Variants in TRAF6 observed in about 807,000 individuals in gnomAD.
The protein encoded by TRAF6 is TNF receptor associated factor 6, also known as TNF receptor-associated factor 6.
A neutral mutation model predicts 48.4 loss-of-function variants in TRAF6; 10 were observed. That is an observed-to-expected ratio of 0.21 (90% CI 0.13 to 0.35). TRAF6 has a LOEUF of 0.35. Ranked by LOEUF, TRAF6 falls within the 10% of genes least tolerant of loss-of-function variation. The pLI is 1.00. For missense variants in TRAF6, 397 were observed against 661.0 expected (o/e 0.60, Z 4.38); for synonymous variants, 186 against 219.6 (o/e 0.85, Z 1.35).
chr11:36,500,902 A>G (rs1681753005), intron 2 of TRAF6, among the ~76,000 whole-genome samples: 1 of 152,114 alleles, frequency 6.6e-6, no homozygotes, highest in Non-Finnish European at 1.5e-5. Context: ...TCATAATTTA[A>G]GGTACATTTA....
chr11:36,497,884 A>ATT (rs796280710), intron 3 of TRAF6, among the ~76,000 whole-genome samples: 4 of 137,948 alleles, frequency 2.9e-5, no homozygotes, highest in African/African-American at 5.3e-5. Context: ...TGACACTTGT[A>ATT]TTTTTTTTTT....
intron 1 of TRAF6, among the ~76,000 whole-genome samples, chr11:36,504,136 A>T (rs1859755382): frequency 6.6e-6 from 1 of 152,164 alleles, no homozygotes. Flanking sequence ...CTGTTGACTG[A>T]TCAGGTTGGT....
chr11:36,490,281 G>T lies in TRAF6; in HGVS notation c.1126C>A (p.His376Asn). Residue 376 changes from histidine to asparagine, a missense_variant, in exon 7 of 7, where the codon CAT becomes AAT. By Grantham distance (68) the His-to-Asn change is moderately conservative (BLOSUM62 1). Coordinates refer to ENST00000526995, the MANE Select transcript of TRAF6 (RefSeq NM_004620.4). The surrounding 1 kb of genome is among the most constrained non-coding windows in gnomAD (Gnocchi z 6.4). ...CQEEEKPVVI[H>N]SPGFYTGKPG... ...TTGCCAGTGTAGAATCCAGGGCTAT[G>T]AATCACAACAGGTTTCTCCTCTTCT... The T allele has an allele frequency of 6.2e-7, 1 of 1,614,150 alleles. No homozygotes were observed. The highest frequency in any genetic ancestry group is 1.1e-5 in the South Asian group (1 of 91,078).
intron 2 of TRAF6, among the ~76,000 whole-genome samples, chr11:36,500,095 C>T (rs1304111317): frequency 6.6e-6 from 1 of 152,134 alleles, no homozygotes; most frequent in African/African-American, 2.4e-5. Context: ...AGAAATAAAA[C>T]AGATCTAATA....
chr11:36,500,508 G>C (rs1262312486), intron 2 of TRAF6, among the ~76,000 whole-genome samples: 1 of 152,172 alleles, frequency 6.6e-6, no homozygotes, highest in East Asian at 1.9e-4. Flanking sequence ...GTCTTATAAG[G>C]ATTTTAGCTT....
rs1053420593 is a variant in TRAF6, at chr11:36,490,815, T to G, written c.757-165A>C. 2.0e-5 allele frequency among the ~76,000 whole-genome samples: 3 copies of G among 152,216 alleles called. No individual in the cohort carries two copies. Among genetic ancestry groups the G allele is most frequent in the African/African-American group, 7.2e-5 (3 of 41,462 alleles). On this transcript the variant is annotated intron_variant, in intron 6 of 6. Transcript: ENST00000526995. This position sits in a 1 kb window ranked among gnomAD's most constrained non-coding sequence, Gnocchi z 6.4. The stretch of plus-strand genomic sequence containing the variant: ...GATTCTTGATCCAATGAGGCGACTC[T>G]GCCTCTTAGTTCACTGAAAAACAGA...
chr11:36,493,331 T>C (rs1859588328), intron 5 of TRAF6, among the ~76,000 whole-genome samples: 1 of 152,216 alleles, frequency 6.6e-6, no homozygotes. Flanking sequence ...AGGAAGTACC[T>C]GAGAGACCAT....
At position 36,501,406 on chromosome 11, in the gene TRAF6, C is replaced by A; in HGVS notation, c.110G>T (p.Gly37Val). Reference sequence around the variant, plus strand: ...GAGGTTCCCCGTGCTGGCAGTTCCACCCACACTATCATCTTTTGTTACAGC... The same window carrying A: ...GAGGTTCCCCGTGCTGGCAGTTCCAACCACACTATCATCTTTTGTTACAGC... ...CSAVTKDDSV[G>V]GTASTGNLSS... Residue 37 changes from glycine (G) to valine (V), a missense_variant, in exon 2 of 7, where the codon GGT becomes GTT. Coordinates refer to ENST00000526995, the MANE Select transcript of TRAF6 (RefSeq NM_004620.4). 1 of 1,614,162 alleles carries A rather than the reference C, an allele frequency of 6.2e-7. No homozygotes were observed. Among genetic ancestry groups the A allele is most frequent in the African/African-American group, 1.3e-5 (1 of 75,030 alleles).
intron 1 of TRAF6, among the ~76,000 whole-genome samples, chr11:36,507,164 TATAC>T (rs1250499368): frequency 1.6e-5 from 2 of 128,214 alleles, no homozygotes; most frequent in African/African-American, 2.9e-5. Context: ...ATACATGTAT[TATAC>T]ATACATAAAT....
At chr11:36,494,889 CTTA>C in intron 5 of TRAF6, 84 bp downstream of exon 5, 1 of 945,256 alleles carries the variant, frequency 1.1e-6, no homozygotes, top group East Asian at 2.7e-5. Flanking sequence ...ATTTCTTTGC[CTTA>C]TTGATTTAAA....
chr11:36,509,027 G>C lies in TRAF6; in HGVS notation c.-23+1021C>G, dbSNP rs561473256. On this transcript the variant is annotated intron_variant, in intron 1 of 6. Transcript: ENST00000526995. ...ACTCCTTCCTAGAGTCACAAAAGAGGCCACATTGTTCCTGCCTATACACTC... is the reference window on the plus strand; with the variant it reads ...ACTCCTTCCTAGAGTCACAAAAGAGCCCACATTGTTCCTGCCTATACACTC... 1.1e-4 allele frequency among the ~76,000 whole-genome samples: 17 copies of C among 152,222 alleles called. No homozygotes were observed. The South Asian group carries it at 3.3e-3, about 30-fold the overall frequency.
chr11:36,492,565 C>T lies in TRAF6; in HGVS notation c.742G>A (p.Gly248Ser), dbSNP rs776672755. The change falls in exon 6 of 7, where the codon GGT becomes AGT. Residue 248 changes from glycine (G) to serine (S), a missense_variant. By Grantham distance (56) the Gly-to-Ser change is moderately conservative. This residue lies in a region of TRAF6 where 245 missense variants were observed against 349.1 expected (regional missense o/e 0.70). Transcript: ENST00000526995. ...AAAAACCTTACCTTTTCATGGCAAC[C>T]AAAAGTACTGAATGTGCATGGAATT... ...APIPCTFSTFGCHEKMQRNHL... is the reference protein window; with the variant it reads ...APIPCTFSTFSCHEKMQRNHL... 4.4e-6 allele frequency: 7 copies of T among 1,607,990 alleles called. No individual in the cohort carries two copies. The African/African-American group carries it at 9.4e-5, about 22-fold the overall frequency.
chr11:36,505,673 A>C (rs1325281771), intron 1 of TRAF6, among the ~76,000 whole-genome samples: 1 of 152,178 alleles, frequency 6.6e-6, no homozygotes, highest in African/African-American at 2.4e-5. Context: ...ATTTGGCTAA[A>C]TGGCCCATTT....
Position 36,501,553 on chromosome 11 carries a change from G to A in TRAF6, c.-22-16C>T, listed in dbSNP as rs1564968330. On this transcript the variant is annotated splice_polypyrimidine_tract_variant and intron_variant, in intron 1 of 6. Transcript: ENST00000526995. ...ATCACTTGCTCTGTAGAAATAGCAA[G>A]AAAAAAATGCCTTTATAAGTAACAC... is the stretch of plus-strand genomic sequence containing the variant. The A allele has an allele frequency of 2.1e-5, 32 of 1,531,922 alleles. No homozygotes were observed. In the Admixed American group the frequency reaches 2.7e-4, roughly 13 times the overall value. The allele number at this position is 1,531,922 out of a possible 1,614,324, so 94.9% of individuals were successfully genotyped here. A position where few individuals can be genotyped will look rare whatever the true frequency, so the allele number is the denominator to read the frequency against.
At chr11:36,500,344 A>T (rs1859699334) in intron 2 of TRAF6, among the ~76,000 whole-genome samples, 1 of 152,172 alleles carries the variant, frequency 6.6e-6, no homozygotes, top group South Asian at 2.1e-4. Context: ...CTGTGGCAAG[A>T]GTGTTACAAA....
rs1401138655 is a variant in TRAF6 at position 36,490,708 on chromosome 11, G to A, written c.757-58C>T. On this transcript the variant is annotated intron_variant, in intron 6 of 6. Coordinates refer to ENST00000526995, the MANE Select transcript of TRAF6 (RefSeq NM_004620.4). This position sits in a 1 kb window ranked among gnomAD's most constrained non-coding sequence, Gnocchi z 6.4. ...TAGATACCGTGAGGAGTAGGAAAAGGACCTGGCCAGGTCAAATAAGAAGTT... is the reference window on the plus strand; with the variant it reads ...TAGATACCGTGAGGAGTAGGAAAAGAACCTGGCCAGGTCAAATAAGAAGTT... The A allele has an allele frequency of 6.8e-7, 1 of 1,481,206 alleles. No homozygotes were observed. The highest frequency in any genetic ancestry group is 9.1e-7 in the Non-Finnish European group (1 of 1,097,170). 91.8% of individuals were successfully genotyped at this position (1,481,206 alleles called of 1,614,324 possible). A position where few individuals can be genotyped will look rare whatever the true frequency, so the allele number is the denominator to read the frequency against.
At chr11:36,506,955 T>C (rs1196218594) in intron 1 of TRAF6, among the ~76,000 whole-genome samples, 1 of 152,040 alleles carries the variant, frequency 6.6e-6, no homozygotes, top group Non-Finnish European at 1.5e-5. Context: ...CCTCTTTCTT[T>C]GGTAAAACAT....
intron 2 of TRAF6, among the ~76,000 whole-genome samples, chr11:36,500,744 AAT>A (rs1308817093): frequency 6.6e-6 from 1 of 152,122 alleles, no homozygotes; most frequent in Non-Finnish European, 1.5e-5. Flanking sequence ...GCCTTCAGTT[AAT>A]ACTTTCTTTA....
chr11:36,497,060 CAAT>C, intron 4 of TRAF6, 45 bp downstream of exon 4: 2 of 1,595,260 alleles, frequency 1.3e-6, no homozygotes, highest in Middle Eastern at 1.7e-4. Context: ...CATTTAAGAA[CAAT>C]ATTTTAAGAA....
Sources: allele counts gnomAD v4.1 joint callset (sites outside exome capture counted in the v4.1 genomes callset), GRCh38; gene constraint gnomAD v4.1.1; regional missense constraint gnomAD v4.1.1; non-coding constraint Gnocchi (gnomAD v3.1); transcripts MANE v1.5; gene names NCBI Gene and HGNC (gene_info 2026-07-23, HGNC 2026-07-21).